The following FAF1 variants were observed in gnomAD, a reference collection of about 807,000 sequenced individuals.
FAF1 encodes the protein Fas associated factor 1, also known as FAS-associated factor 1.
A neutral mutation model predicts 92.5 loss-of-function variants in FAF1; 25 were observed. That is an observed-to-expected ratio of 0.27 (90% confidence interval 0.20 to 0.38). The LOEUF is 0.38. FAF1 is among the 10% of genes least tolerant of loss of function. The pLI is 1.00. For missense variants in FAF1, 636 were observed against 793.3 expected (o/e 0.80, Z 2.38); for synonymous variants, 234 against 273.2 (o/e 0.86, Z 1.42).
At chr1:50,567,312 C>A in intron 12 of FAF1, 81 bp from the exon 13 acceptor site, 1 of 1,017,858 alleles carries the variant, frequency 9.8e-7, no homozygotes, top group African/African-American at 1.6e-5. Context: ...CATAATTAGT[C>A]TATATGAACA....
intron 15 of FAF1, among the ~76,000 whole-genome samples, chr1:50,522,207 C>A (rs1647537168): frequency 6.6e-6 from 1 of 152,178 alleles, no homozygotes. Context: ...CCTACCTAAT[C>A]TTGGTAAGAG....
chr1:50,721,528 A>T (rs1658412304), intron 6 of FAF1, among the ~76,000 whole-genome samples: 1 of 152,064 alleles, frequency 6.6e-6, no homozygotes. Flanking sequence ...AAAAAATTAC[A>T]ACTGAATCAT....
At chr1:50,474,507 C>G (rs191749444) in intron 18 of FAF1, among the ~76,000 whole-genome samples, 5 of 151,924 alleles carry the variant, frequency 3.3e-5, no homozygotes, top group Non-Finnish European at 5.9e-5. Context: ...TTTGGTGTAC[C>G]CATCACCCAG....
chr1:50,797,234 A>G (rs1661787728), intron 3 of FAF1, among the ~76,000 whole-genome samples: 1 of 152,202 alleles, frequency 6.6e-6, no homozygotes, highest in Non-Finnish European at 1.5e-5. Context: ...GACCCAAAGA[A>G]TACAAAAGCA....
chr1:50,555,210 G>T (rs573886626), intron 13 of FAF1, among the ~76,000 whole-genome samples: 9 of 151,126 alleles, frequency 6.0e-5, no homozygotes, highest in Non-Finnish European at 1.3e-4. Context: ...GTGACAGAGC[G>T]AGACACACAC....
intron 18 of FAF1, among the ~76,000 whole-genome samples, chr1:50,472,368 T>TACACACATAC (rs1646584464): frequency 8.1e-6 from 1 of 123,886 alleles, no homozygotes; most frequent in Non-Finnish European, 1.7e-5. Context: ...GGGGAAAACA[T>TACACACATAC]ACACACACAC....
chr1:50,815,031 C>G (rs115851210), intron 2 of FAF1, among the ~76,000 whole-genome samples: 1,983 of 152,096 alleles, frequency 0.013, 43 homozygotes, highest in African/African-American at 0.044. Context: ...TCTGGGTATA[C>G]AATAAAAAGA....
At chr1:50,949,564 T>G (rs1645197773) in intron 1 of FAF1, among the ~76,000 whole-genome samples, 1 of 152,198 alleles carries the variant, frequency 6.6e-6, no homozygotes, top group South Asian at 2.1e-4. Flanking sequence ...GCAGGGTAAA[T>G]ATTTTAGGCT....
At chr1:50,487,042 A>T (rs1646777338) in intron 17 of FAF1, among the ~76,000 whole-genome samples, 1 of 152,232 alleles carries the variant, frequency 6.6e-6, no homozygotes, top group Non-Finnish European at 1.5e-5. Flanking sequence ...ACATTTAAAA[A>T]GTTTTAAGGA....
intron 2 of FAF1, among the ~76,000 whole-genome samples, chr1:50,840,068 A>T (rs1035520422): frequency 3.3e-5 from 5 of 151,966 alleles, no homozygotes; most frequent in Non-Finnish European, 7.4e-5. Context: ...TAAAATAAAA[A>T]AACTTCAAAC....
intron 8 of FAF1, among the ~76,000 whole-genome samples, chr1:50,602,117 C>CA (rs1251628484): frequency 1.3e-5 from 2 of 152,208 alleles, no homozygotes; most frequent in Admixed American, 6.5e-5. Context: ...CCTTGCTCTG[C>CA]ATGTGACACA....
At chr1:50,877,203 G>A (rs1644578394) in intron 1 of FAF1, among the ~76,000 whole-genome samples, 1 of 152,162 alleles carries the variant, frequency 6.6e-6, no homozygotes, top group Admixed American at 6.5e-5. Flanking sequence ...GGTGATCAAG[G>A]TCAATATCAA....
intron 12 of FAF1, among the ~76,000 whole-genome samples, chr1:50,577,928 C>T (rs956869292): frequency 4.6e-5 from 7 of 152,334 alleles, no homozygotes; most frequent in Admixed American, 2.6e-4. Flanking sequence ...GCAAAAAGAA[C>T]GATGAGTACT....
Position 50,714,967 on chromosome 1 carries a change from GT to G in FAF1, c.552-9077del, listed in dbSNP as rs775384396. ...TTGAAGAGAAAATGTATTTCTTTAG[GT>G]TTCAAACACTGTAACAGATATAAAG... is the stretch of plus-strand genomic sequence containing the variant. On this transcript the variant is annotated intron_variant, in intron 6 of 18. Coordinates refer to ENST00000396153, the MANE Select transcript of FAF1 (RefSeq NM_007051.3). 3.5e-5 allele frequency: 14 copies of G among 404,668 alleles called. No homozygotes were observed. The East Asian group carries it at 5.6e-4, about 16-fold the overall frequency. The allele number at this position is 404,668 out of a possible 1,614,324, so 25.1% of individuals were successfully genotyped here.
chr1:50,723,746 TTTTTTTTTC>T (rs1425448005), intron 6 of FAF1, among the ~76,000 whole-genome samples: 3 of 151,208 alleles, frequency 2.0e-5, no homozygotes, highest in South Asian at 4.2e-4. Context: ...ACCCCATCTC[TTTTTTTTTC>T]TTTTTTTTCT....
At chr1:50,935,606 G>C (rs1477894162) in intron 1 of FAF1, among the ~76,000 whole-genome samples, 1 of 151,904 alleles carries the variant, frequency 6.6e-6, no homozygotes, top group Non-Finnish European at 1.5e-5. Context: ...AGGTAGCTGG[G>C]ATTATAGGCA....
intron 1 of FAF1, among the ~76,000 whole-genome samples, chr1:50,919,434 T>C (rs1644945164): frequency 6.6e-6 from 1 of 151,468 alleles, no homozygotes; most frequent in Non-Finnish European, 1.5e-5. Context: ...ATAACACGTA[T>C]AAGTAAAATA....
At chr1:50,893,251 T>C (rs893775031) in intron 1 of FAF1, among the ~76,000 whole-genome samples, 2 of 152,204 alleles carry the variant, frequency 1.3e-5, no homozygotes, top group Non-Finnish European at 2.9e-5. Flanking sequence ...TATGGATGTT[T>C]GCTGGTGTCT....
chr1:50,836,899 T>TTTGAATTC (rs1310961229), intron 2 of FAF1, among the ~76,000 whole-genome samples: 1 of 151,862 alleles, frequency 6.6e-6, no homozygotes, highest in Non-Finnish European at 1.5e-5. Context: ...ATAGTACATA[T>TTTGAATTC]TTGAATTCTT....
Sources: allele counts gnomAD v4.1 joint callset (sites outside exome capture counted in the v4.1 genomes callset), GRCh38; gene constraint gnomAD v4.1.1; transcripts MANE v1.5; gene names NCBI Gene and HGNC (gene_info 2026-07-23, HGNC 2026-07-21).